Variants in DGKH observed in about 807,000 individuals in gnomAD.
DGKH encodes the protein DAG kinase eta.
Under a neutral mutation model 159.3 loss-of-function variants are expected in DGKH, and 90 were observed. The observed-to-expected ratio is 0.57, with a 90% CI of 0.48 to 0.67. The LOEUF is 0.67. Among genes scored for constraint, DGKH ranks in the 30% least tolerant of loss-of-function variants. The probability of loss-of-function intolerance (pLI) is 0.00; values close to 1 mark genes in which losing one functional copy is unlikely to be tolerated. For synonymous variants in DGKH, 536 were observed against 553.8 expected (o/e 0.97, Z 0.45); for missense variants, 1,181 against 1,506.1 (o/e 0.78, Z 3.57).
chr13:42,247,030 G>T (rs550174932), downstream of DGKH, among the ~76,000 whole-genome samples: 3 of 152,002 alleles, frequency 2.0e-5, no homozygotes, highest in East Asian at 3.9e-4. Flanking sequence ...ACTTCCTGTC[G>T]CCCAGTTACC....
intron 11 of DGKH, among the ~76,000 whole-genome samples, chr13:42,173,756 G>T (rs554358317): frequency 6.6e-6 from 1 of 152,294 alleles, no homozygotes; most frequent in South Asian, 2.1e-4. Context: ...AGAAATGGGG[G>T]CGTTGTAACG....
At chr13:42,067,770 A>G (rs1359598081) in intron 1 of DGKH, among the ~76,000 whole-genome samples, 1 of 152,066 alleles carries the variant, frequency 6.6e-6, no homozygotes, top group Non-Finnish European at 1.5e-5. Flanking sequence ...AACCAAAGAT[A>G]TAGACAGTAT....
rs1443584050 is a variant in DGKH, at chr13:42,207,119, C to CTT, written c.2601+974_2601+975insTT. Among the ~76,000 whole-genome samples, 109 of 27,464 alleles carry CTT rather than the reference C, an allele frequency of 4.0e-3. 15 individuals are homozygous for CTT. The highest frequency in any genetic ancestry group is 0.011 in the South Asian group (6 of 568). The allele number at this position is 27,464 out of a possible 152,430, so 18.0% of individuals were successfully genotyped here. Reference sequence around the variant, plus strand: ...TTTCTTTCTTTCTTTCTTTCTCTTTCTCTCTCCTTCCTTCCTTCCTTCCTT... The same window carrying CTT: ...TTTCTTTCTTTCTTTCTTTCTCTTTCTTTCTCTCCTTCCTTCCTTCCTTCCTT... On this transcript the variant is annotated intron_variant, in intron 21 of 29. Coordinates refer to ENST00000337343, the MANE Select transcript of DGKH (RefSeq NM_178009.5).
chr13:42,156,269 G>T (rs963127394), intron 5 of DGKH, among the ~76,000 whole-genome samples: 1 of 151,952 alleles, frequency 6.6e-6, no homozygotes, highest in Admixed American at 6.6e-5. Context: ...TCGAGAAGGG[G>T]TCTCACTCTG....
chr13:42,113,731 G>A (rs2137807916), intron 1 of DGKH, among the ~76,000 whole-genome samples: 1 of 152,326 alleles, frequency 6.6e-6, no homozygotes, highest in South Asian at 2.1e-4. Context: ...CCCACGGGAG[G>A]AGGAGCAGTC....
chr13:42,183,408 A>C (rs1171135049), intron 13 of DGKH, among the ~76,000 whole-genome samples: 1 of 152,234 alleles, frequency 6.6e-6, no homozygotes, highest in African/African-American at 2.4e-5. Context: ...TGATTAAAAA[A>C]ATACTGCATG....
At chr13:42,130,857 G>A (rs943908238) in intron 3 of DGKH, among the ~76,000 whole-genome samples, 1 of 152,050 alleles carries the variant, frequency 6.6e-6, no homozygotes, top group Admixed American at 6.6e-5. Context: ...GGAAAGCCAA[G>A]AATAGAGTCC....
intron 26 of DGKH, 96 bp from the exon 27 acceptor site, chr13:42,219,134 G>C: frequency 1.4e-6 from 2 of 1,475,426 alleles, no homozygotes; most frequent in Non-Finnish European, 1.8e-6. Context: ...TTAATAAGGA[G>C]TGAGGCTGTT....
At chr13:42,065,298 C>T (rs1212714401) in intron 1 of DGKH, among the ~76,000 whole-genome samples, 1 of 152,314 alleles carries the variant, frequency 6.6e-6, no homozygotes, top group East Asian at 1.9e-4. Flanking sequence ...AGCTTTTTAT[C>T]ATAGATCTAG....
At chr13:42,165,584 C>T (rs1220448501) in intron 8 of DGKH, 151 bp downstream of exon 8, 1 of 468,110 alleles carries the variant, frequency 2.1e-6, no homozygotes, top group Non-Finnish European at 3.7e-6. Flanking sequence ...AAGTACATTC[C>T]ATTTTTAAAA....
chr13:42,103,187 T>C (rs11838452), intron 1 of DGKH, among the ~76,000 whole-genome samples: 1 of 152,184 alleles, frequency 6.6e-6, no homozygotes, highest in Admixed American at 6.5e-5. Context: ...GAGTGTCATT[T>C]TGAAGGAAGC....
chr13:42,047,822 A>G (rs1444051317), upstream of DGKH, among the ~76,000 whole-genome samples: 2 of 151,736 alleles, frequency 1.3e-5, no homozygotes, highest in African/African-American at 2.4e-5. Context: ...CTTCCAGGCA[A>G]TCTCGGTTAG....
At chr13:42,129,825 T>G (rs1473830153) in intron 3 of DGKH, among the ~76,000 whole-genome samples, 193 bp downstream of exon 3, 1 of 152,268 alleles carries the variant, frequency 6.6e-6, no homozygotes, top group African/African-American at 2.4e-5. Context: ...AACCTGAGGT[T>G]AAATATACTT....
At chr13:42,165,597 ATATATT>A (rs1391679236) in intron 8 of DGKH, among the ~76,000 whole-genome samples, 164 bp downstream of exon 8, 1 of 152,170 alleles carries the variant, frequency 6.6e-6, no homozygotes, top group African/African-American at 2.4e-5. Context: ...TTTTAAAAGA[ATATATT>A]TAAGTGAAAG....
Position 42,137,510 on chromosome 13 carries a change from G to A in DGKH, c.384+7878G>A, listed in dbSNP as rs150578252. Among the ~76,000 whole-genome samples the A allele has an allele frequency of 1.4e-3, 210 of 152,248 alleles. 1 individual carries two copies. The highest frequency in any genetic ancestry group is 4.6e-3 in the African/African-American group (192 of 41,548). On this transcript the variant is annotated intron_variant, in intron 3 of 29. Transcript: ENST00000337343. ...AATCTGAACCTGTCCACATCATCTG[G>A]CCTCAATTTCTATCTTCATGACTTT...
intron 24 of DGKH, among the ~76,000 whole-genome samples, chr13:42,212,407 G>A (rs368030095): frequency 4.0e-4 from 61 of 152,190 alleles, no homozygotes; most frequent in African/African-American, 1.4e-3. Context: ...TGTACATCTC[G>A]GCTTCTTATC....
upstream of DGKH, among the ~76,000 whole-genome samples, chr13:42,045,386 C>A (rs545160550): frequency 6.6e-6 from 1 of 151,888 alleles, no homozygotes; most frequent in Non-Finnish European, 1.5e-5. Flanking sequence ...CTATCCAGGT[C>A]GAAAGGAAAA....
At chr13:42,129,308 C>T (rs1481385976) in intron 2 of DGKH, among the ~76,000 whole-genome samples, 2 of 152,204 alleles carry the variant, frequency 1.3e-5, no homozygotes, top group Non-Finnish European at 2.9e-5. Context: ...CCAGAGAGCA[C>T]AGCACATTTG....
intron 21 of DGKH, among the ~76,000 whole-genome samples, chr13:42,207,702 TA>T (rs1441133775): frequency 3.3e-5 from 4 of 121,252 alleles, no homozygotes; most frequent in Admixed American, 7.8e-5. Context: ...TGTGTATATA[TA>T]TATATATATA....
Sources: gnomAD v4.1 joint callset for allele counts (sites outside exome capture counted in the v4.1 genomes callset) on GRCh38, gnomAD v4.1.1 for gene constraint, MANE v1.5 for transcripts, NCBI Gene and HGNC (gene_info 2026-07-23, HGNC 2026-07-21) for gene names.